Variants in LILRB3 observed in about 807,000 individuals in gnomAD.
The protein encoded by LILRB3 is leukocyte immunoglobulin-like receptor subfamily B member 3.
A neutral mutation model predicts 68.2 loss-of-function variants in LILRB3; 32 were observed. The ratio of observed to expected loss-of-function variants is 0.47; its 90% CI spans 0.35 to 0.63. The LOEUF is 0.63. LILRB3 is among the 30% of genes least tolerant of loss of function. The pLI, the probability that LILRB3 is intolerant of heterozygous loss-of-function variation, is 0.00. For synonymous variants in LILRB3, 185 were observed against 323.1 expected (o/e 0.57, Z 4.58); for missense variants, 502 against 791.3 (o/e 0.63, Z 4.39).
intron 10 of LILRB3, 114 bp from the exon 11 acceptor site, chr19:54,218,527 TG>T: frequency 6.2e-7 from 1 of 1,602,708 alleles, no homozygotes; most frequent in African/African-American, 1.3e-5. Context: ...TCCCACAGTG[TG>T]GGGCAAGACC....
At chr19:54,217,945 G>A (rs12971973) in intron 11 of LILRB3, among the ~76,000 whole-genome samples, 112,571 of 146,602 alleles carry the variant, frequency 0.77, 44,179 homozygotes, top group African/African-American at 0.95. Context: ...GTCTCCCACC[G>A]TGAGGTGAGC....
exon 13 of LILRB3, chr19:54,216,838 A>G (rs2077510274): frequency 1.4e-6 from 2 of 1,382,616 alleles, no homozygotes; most frequent in African/African-American, 2.9e-5. Flanking sequence ...CCCGGCCTTT[A>G]CGTCTGTTTT....
Position 54,217,468 on chromosome 19 carries a change from G to A in LILRB3, c.1600C>T (p.His534Tyr), listed in dbSNP as rs75437884. 5.0e-4 allele frequency: 803 copies of A among 1,608,544 alleles called. 3 individuals carry two copies. The African/African-American group carries it at 9.8e-3, about 20-fold the overall frequency. Residue 534 changes from histidine (H) to tyrosine (Y), a missense_variant, in exon 12 of 13, where the codon CAC (histidine) becomes TAC (tyrosine). His to Tyr is a moderately conservative substitution (Grantham distance 83). Transcript: ENST00000445347. ...GTCACTGCCTGGGGGTCTTCATCGT[G>A]TGGGCTCTGCTGGAGAGAGACAGTG...
chr19:54,218,617 C>T lies in LILRB3; in HGVS notation c.1540+28G>A, dbSNP rs773543839. 7 of 1,614,020 alleles carry T rather than the reference C, an allele frequency of 4.3e-6. No individual in the cohort carries two copies. The African/African-American group carries it at 6.7e-5, about 15-fold the overall frequency. On this transcript the variant is annotated intron_variant, in intron 10 of 12. Transcript: ENST00000445347. ...TTTGGGACTCCTGTCTCTCCAGCAC[C>T]CCCATTTGTCCCCTCTCTTCCTCTT...
At chr19:54,222,352 C>T in exon 3 of LILRB3, 2 of 1,599,406 alleles carry the variant, frequency 1.3e-6, no homozygotes, top group Non-Finnish European at 8.5e-7. Flanking sequence ...GCGGTATCTC[C>T]CTGCATGGTG....
chr19:54,219,290 A>C (rs1361553288), intron 7 of LILRB3, 45 bp from the exon 8 acceptor site: 1 of 1,517,932 alleles, frequency 6.6e-7, no homozygotes, highest in East Asian at 2.5e-5. Flanking sequence ...CATTGATGTG[A>C]GCACCTACTG....
chr19:54,217,917 T>C (rs563879043), intron 11 of LILRB3, among the ~76,000 whole-genome samples: 35 of 151,458 alleles, frequency 2.3e-4, no homozygotes, highest in Non-Finnish European at 3.5e-4. Flanking sequence ...CTGGACACGA[T>C]GCATTTATTT....
chr19:54,218,337 G>A (rs898094756), intron 11 of LILRB3, 24 bp downstream of exon 11: 2 of 1,613,556 alleles, frequency 1.2e-6, no homozygotes, highest in Admixed American at 1.7e-5. Context: ...GGCCTTTGGT[G>A]CCTGGGACGG....
chr19:54,219,857 C>A (rs1279740756), intron 7 of LILRB3: 1 of 1,548,108 alleles, frequency 6.5e-7, no homozygotes, highest in South Asian at 1.2e-5. Flanking sequence ...CCACTCAGAG[C>A]CCCTCACTCA....
At chr19:54,219,777 TCAC>T in intron 7 of LILRB3, 1 of 1,499,526 alleles carries the variant, frequency 6.7e-7, no homozygotes, top group East Asian at 2.5e-5. Flanking sequence ...CCTGTCCACA[TCAC>T]CACCTCCAGA....
chr19:54,222,042 C>T (rs1472654120), exon 4 of LILRB3: 3 of 1,611,192 alleles, frequency 1.9e-6, no homozygotes, highest in East Asian at 2.2e-5. Flanking sequence ...GGTGATATCC[C>T]TTCTGTGAGC....
chr19:54,219,607 G>A (rs1368758881), intron 7 of LILRB3: 5 of 1,538,842 alleles, frequency 3.2e-6, no homozygotes, highest in Non-Finnish European at 4.4e-6. Context: ...TGCTGCAGGT[G>A]GGACGGGACA....
intron 11 of LILRB3, 155 bp from the exon 12 acceptor site, chr19:54,217,629 C>G: frequency 9.1e-7 from 1 of 1,100,874 alleles, no homozygotes; most frequent in Non-Finnish European, 1.3e-6. Flanking sequence ...GCCGCTCCCT[C>G]CCTGTGGTTC....
chr19:54,218,727 G>A, intron 9 of LILRB3, 36 bp downstream of exon 9: 1 of 1,614,154 alleles, frequency 6.2e-7, no homozygotes, highest in South Asian at 1.1e-5. Flanking sequence ...ATGGGCTGTG[G>A]TGGGTGGGAG....
At chr19:54,216,641 A>G in exon 13 of LILRB3, 10 of 1,016,280 alleles carry the variant, frequency 9.8e-6, no homozygotes, top group Non-Finnish European at 1.2e-5. Context: ...CCATGTCATA[A>G]GTTCGATGTA....
chr19:54,222,281 T>C (rs1367918135), exon 3 of LILRB3: 1 of 1,610,568 alleles, frequency 6.2e-7, no homozygotes, highest in African/African-American at 1.4e-5. Flanking sequence ...CTCTCACCTG[T>C]CATCACCAGC....
chr19:54,216,923 T>G, exon 13 of LILRB3: 1 of 1,454,420 alleles, frequency 6.9e-7, no homozygotes. Flanking sequence ...TGGGACGATA[T>G]TAGTCATCTT....
exon 8 of LILRB3, chr19:54,219,159 G>T (rs769653521): frequency 6.5e-7 from 1 of 1,527,952 alleles, no homozygotes; most frequent in South Asian, 1.2e-5. Flanking sequence ...TGACGCTGAC[G>T]GAGGAGGAGG....
In LILRB3 at chr19:54,221,811, G is replaced by A. The variant is rs2078205095; in HGVS notation, c.658+17C>T. 2 of 1,595,588 alleles carry A rather than the reference G, an allele frequency of 1.3e-6. No individual in the cohort carries two copies. Among genetic ancestry groups the A allele is most frequent in the Non-Finnish European group, 1.7e-6 (2 of 1,169,590 alleles). ...GCTGCCCCGAAAGTGTGTTAGACAAGGCCGTGGCTCCCTCACCTGAGGGCA... is the reference window on the plus strand; with the variant it reads ...GCTGCCCCGAAAGTGTGTTAGACAAAGCCGTGGCTCCCTCACCTGAGGGCA... On this transcript the variant is annotated intron_variant, in intron 4 of 12. Coordinates refer to ENST00000445347, the Ensembl canonical transcript of LILRB3.
Sources: allele counts gnomAD v4.1 joint callset (sites outside exome capture counted in the v4.1 genomes callset), GRCh38; gene constraint gnomAD v4.1.1; transcripts MANE v1.5; gene names NCBI Gene and HGNC (gene_info 2026-07-23, HGNC 2026-07-21).